PRRX1: variants seen among roughly 807,000 people sequenced by gnomAD.
PRRX1 encodes the protein paired related homeobox 1.
PRRX1 carries 8 observed loss-of-function variants against 24.0 expected under a neutral mutation model. That is an observed-to-expected ratio of 0.33 (90% CI 0.20 to 0.60). PRRX1 has a LOEUF of 0.60. PRRX1 is among the 20% of genes least tolerant of loss of function. PRRX1 has a pLI of 0.82. For synonymous variants in PRRX1, 160 were observed against 131.7 expected (o/e 1.22, Z -1.47); for missense variants, 281 against 322.4 (o/e 0.87, Z 0.98).
At chr1:170,714,392 C>G (rs555397740) in intron 1 of PRRX1, among the ~76,000 whole-genome samples, 2 of 152,108 alleles carry the variant, frequency 1.3e-5, no homozygotes, top group African/African-American at 4.8e-5. Flanking sequence ...ACTTTAGATC[C>G]GCTTGCCTGC....
At chr1:170,693,212 G>A (rs1387185405) in intron 1 of PRRX1, among the ~76,000 whole-genome samples, 1 of 152,034 alleles carries the variant, frequency 6.6e-6, no homozygotes, top group Admixed American at 6.6e-5. Context: ...TACCTCAAAG[G>A]AATCAGGGTG....
rs538841097 is a variant in PRRX1 at position 170,700,758 on chromosome 1, C to T, written c.242-18968C>T. 9.9e-5 allele frequency among the ~76,000 whole-genome samples: 15 copies of T among 152,280 alleles called. No homozygotes were observed. In the South Asian group the frequency reaches 1.9e-3, roughly 19 times the overall value. ...ATCACCCACTTTGCTGCTGAAAACC[C>T]GTTACTGACTGTCCTACCCTGGAGG... is the stretch of plus-strand genomic sequence containing the variant. On this transcript the variant is annotated intron_variant, in intron 1 of 3. Transcript: ENST00000239461.
chr1:170,664,088 C>CCTCTCTCTCT (rs58408113), upstream of PRRX1: 27,124 of 655,700 alleles, frequency 0.041, 120 homozygotes, highest in Middle Eastern at 0.11. Context: ...CCTCTTCCTC[C>CCTCTCTCTCT]CTCTCTCTCT....
At chr1:170,715,324 C>T (rs139847251) in intron 1 of PRRX1, among the ~76,000 whole-genome samples, 68 of 152,304 alleles carry the variant, frequency 4.5e-4, no homozygotes, top group African/African-American at 1.6e-3. Flanking sequence ...ATTACTATAA[C>T]TCTTTCAACT....
intron 1 of PRRX1, among the ~76,000 whole-genome samples, chr1:170,681,194 T>C (rs1472211850): frequency 6.6e-6 from 1 of 152,182 alleles, no homozygotes; most frequent in Non-Finnish European, 1.5e-5. Context: ...TGCTGAGTGA[T>C]AGATATTGCC....
chr1:170,697,443 A>T (rs1451956692), intron 1 of PRRX1, among the ~76,000 whole-genome samples: 1 of 152,076 alleles, frequency 6.6e-6, no homozygotes, highest in Non-Finnish European at 1.5e-5. Context: ...TACATGTAAG[A>T]CAAGCTTATC....
chr1:170,713,262 G>A (rs891269336), intron 1 of PRRX1, among the ~76,000 whole-genome samples: 4 of 152,170 alleles, frequency 2.6e-5, no homozygotes, highest in African/African-American at 9.7e-5. Flanking sequence ...CACGGAAAAT[G>A]CCCACATAAT....
intron 1 of PRRX1, among the ~76,000 whole-genome samples, chr1:170,704,925 G>A (rs1193289688): frequency 6.6e-6 from 1 of 152,150 alleles, no homozygotes; most frequent in African/African-American, 2.4e-5. Flanking sequence ...TTCCAGCCCT[G>A]ACAAGAAACT....
At chr1:170,679,628 T>C (rs1450707540) in intron 1 of PRRX1, among the ~76,000 whole-genome samples, 1 of 152,158 alleles carries the variant, frequency 6.6e-6, no homozygotes, top group Non-Finnish European at 1.5e-5. Flanking sequence ...CTCGATCTCC[T>C]GACCTTGTGA....
rs1296706757 is a variant in PRRX1, at chr1:170,664,250, G to C, written c.32G>C (p.Arg11Pro). The C allele has an allele frequency of 6.2e-7, 1 of 1,612,310 alleles. No homozygotes were observed. ...TCCAGCTACGGGCACGTTCTGGAGCGGCAACCGGCGCTGGGCGGCCGCTTG... is the reference window on the plus strand; with the variant it reads ...TCCAGCTACGGGCACGTTCTGGAGCCGCAACCGGCGCTGGGCGGCCGCTTG... MTSSYGHVLE[R>P]QPALGGRLDS... The change falls in exon 1 of 4, where the codon CGG (arginine) becomes CCG (proline). Residue 11 changes from arginine to proline, a missense_variant. Physicochemically the swap from Arg to Pro is moderately radical, Grantham distance 103 (BLOSUM62 -2). Transcript: ENST00000239461.
In PRRX1 at chr1:170,664,341, C is replaced by T; in HGVS notation, c.123C>T (p.Asp41=). The change falls in exon 1 of 4, where the codon GAC becomes GAT. Residue 41 remains aspartate (D), a synonymous_variant. Transcript: ENST00000239461. ...KKNFSVSHLL[D]LEEAGDMVAA... is the part of the protein sequence containing the mutation. Reference sequence around the variant, plus strand: ...ACTTCTCCGTCAGTCACCTGCTAGACCTGGAGGAAGCCGGGGACATGGTGG... The same window carrying T: ...ACTTCTCCGTCAGTCACCTGCTAGATCTGGAGGAAGCCGGGGACATGGTGG... The T allele has an allele frequency of 1.2e-6, 2 of 1,614,006 alleles. No individual in the cohort carries two copies. The highest frequency in any genetic ancestry group is 1.7e-6 in the Non-Finnish European group (2 of 1,179,962).
At chr1:170,699,698 C>CA (rs1421341824) in intron 1 of PRRX1, among the ~76,000 whole-genome samples, 4 of 152,214 alleles carry the variant, frequency 2.6e-5, no homozygotes, top group Admixed American at 2.0e-4. Context: ...AACAAAGCAA[C>CA]ACAAAAGTGC....
chr1:170,717,539 T>A (rs1234829366), intron 1 of PRRX1, among the ~76,000 whole-genome samples: 1 of 152,106 alleles, frequency 6.6e-6, no homozygotes. Flanking sequence ...TTTCTCTATA[T>A]GATTAAAAAT....
intron 2 of PRRX1, among the ~76,000 whole-genome samples, chr1:170,725,556 A>G (rs1655230156): frequency 6.6e-6 from 1 of 152,166 alleles, no homozygotes; most frequent in Admixed American, 6.5e-5. Context: ...CACCTCCAAG[A>G]GGGATAACTC....
chr1:170,700,856 C>A (rs1379485689), intron 1 of PRRX1, among the ~76,000 whole-genome samples: 1 of 152,158 alleles, frequency 6.6e-6, no homozygotes, highest in East Asian at 1.9e-4. Flanking sequence ...ACTACGGCTT[C>A]ATCTTCTCTT....
intron 1 of PRRX1, among the ~76,000 whole-genome samples, chr1:170,681,495 A>C (rs927459115): frequency 1.0e-4 from 5 of 48,900 alleles, no homozygotes; most frequent in Non-Finnish European, 1.1e-4. Flanking sequence ...TTATCTTTGC[A>C]AAAAAAAAAA....
At chr1:170,695,533 G>A (rs1183944064) in intron 1 of PRRX1, among the ~76,000 whole-genome samples, 1 of 152,192 alleles carries the variant, frequency 6.6e-6, no homozygotes, top group Non-Finnish European at 1.5e-5. Context: ...CTGGGGATGT[G>A]TGGGATCCTC....
Position 170,726,266 on chromosome 1 carries a change from C to A in PRRX1, c.464C>A (p.Ala155Asp). 1 of 1,614,002 alleles carries A rather than the reference C, an allele frequency of 6.2e-7. No homozygotes were observed. The highest frequency in any genetic ancestry group is 8.5e-7 in the Non-Finnish European group (1 of 1,179,938). ...GCCAAGTTCCGCAGGAATGAGAGAG[C>A]CATGCTAGCCAATAAAAACGCTTCC... ...RRAKFRRNER[A>D]MLANKNASLL... The change falls in exon 3 of 4, where the codon GCC becomes GAC. Residue 155 changes from alanine (A) to aspartate (D), a missense_variant. Physicochemically the swap from Ala to Asp is moderately radical, Grantham distance 126. Coordinates refer to ENST00000239461, the MANE Select transcript of PRRX1 (RefSeq NM_022716.4).
At chr1:170,670,397 C>T (rs993362913) in intron 1 of PRRX1, among the ~76,000 whole-genome samples, 4 of 152,210 alleles carry the variant, frequency 2.6e-5, no homozygotes, top group African/African-American at 9.7e-5. Flanking sequence ...AAACGGCTGC[C>T]ATGCCTCCTT....
Sources: gnomAD v4.1 joint callset for allele counts (sites outside exome capture counted in the v4.1 genomes callset) on GRCh38, gnomAD v4.1.1 for gene constraint, MANE v1.5 for transcripts, NCBI Gene and HGNC (gene_info 2026-07-23, HGNC 2026-07-21) for gene names.